The following IDI1 variants were observed in gnomAD, a reference collection of about 807,000 sequenced individuals.
IDI1 encodes the protein isopentenyl-diphosphate delta isomerase 1.
IDI1 carries 23 observed loss-of-function variants against 32.9 expected under a neutral mutation model. That is an observed-to-expected ratio of 0.70 (90% CI 0.50 to 0.99). The LOEUF (loss-of-function observed/expected upper bound fraction) is 0.99, where lower values mean the gene tolerates loss of function less well. IDI1 is among the 50% of genes least tolerant of loss of function. The probability of loss-of-function intolerance (pLI) is 0.00; values close to 1 mark genes in which losing one functional copy is unlikely to be tolerated. For synonymous variants in IDI1, 133 were observed against 128.2 expected (o/e 1.04, Z -0.25); for missense variants, 326 against 351.9 (o/e 0.93, Z 0.59).
Position 1,048,864 on chromosome 10 carries a change from C to T in IDI1, c.140G>A (p.Ser47Asn), listed in dbSNP as rs1255930686. 3.1e-6 allele frequency: 5 copies of T among 1,606,516 alleles called. No individual in the cohort carries two copies. Among genetic ancestry groups the T allele is most frequent in the Non-Finnish European group, 4.2e-6 (5 of 1,177,476 alleles). ...GAACTCCGCCGCCCGTCCACAGTAC[C>T]TGATCAGCCTCCGGCCACAGACAAC... ...PAVVCGRRLI[S>N]VLEQIRHFVM... The change falls in exon 1 of 5, where the codon AGT becomes AAT. Residue 47 changes from serine (S) to asparagine (N), a missense_variant and splice_region_variant. Around this residue, in one of 2 missense-constraint regions of IDI1, gnomAD observed 121 missense variants for 78.4 expected, o/e 1.54. Transcript: ENST00000381344.
chr10:1,044,044 C>T lies in IDI1; in HGVS notation c.268G>A (p.Ala90Thr), dbSNP rs889377532. 2 of 1,613,250 alleles carry T rather than the reference C, an allele frequency of 1.2e-6. No individual in the cohort carries two copies. The highest frequency in any genetic ancestry group is 1.7e-5 in the Admixed American group (1 of 59,960). ...AGGTGACAATTCTTCTTGGTCTCAG[C>T]TCCAATTTTATTGTCATTTTCATCA... Reference protein sequence around the residue: ...LIDENDNKIGAETKKNCHLNE... With the variant: ...LIDENDNKIGTETKKNCHLNE... The change falls in exon 2 of 5, where the codon GCT (alanine) becomes ACT (threonine). Residue 90 changes from alanine (A) to threonine (T), a missense_variant. Around this residue, in one of 2 missense-constraint regions of IDI1, gnomAD observed 205 missense variants for 273.5 expected, o/e 0.75. Coordinates refer to ENST00000381344, the MANE Select transcript of IDI1 (RefSeq NM_004508.4).
chr10:1,041,514 T>TAAAA lies in IDI1; in HGVS notation c.538-14_538-11dup. 2 of 1,222,714 alleles carry TAAAA rather than the reference T, an allele frequency of 1.6e-6. No homozygotes were observed. The highest frequency in any genetic ancestry group is 2.2e-6 in the Non-Finnish European group (2 of 901,960). 75.7% of individuals were successfully genotyped at this position (1,222,714 alleles called of 1,614,324 possible). A position where few individuals can be genotyped will look rare whatever the true frequency, so the allele number is the denominator to read the frequency against. On this transcript the variant is annotated splice_polypyrimidine_tract_variant and intron_variant, in intron 4 of 4. Coordinates refer to ENST00000381344, the MANE Select transcript of IDI1 (RefSeq NM_004508.4). The stretch of plus-strand genomic sequence containing the variant: ...TTTCTTCTGGAGGAACCTAAGACAT[T>TAAAA]AAAAAAAAAAAAGTAATTAAAACAT...
In IDI1 at chr10:1,040,439, C is replaced by G. The variant is rs751891978; in HGVS notation, c.*748G>C. 1 of 152,278 alleles carries G rather than the reference C, an allele frequency of 6.6e-6. No homozygotes were observed. The highest frequency in any genetic ancestry group is 1.5e-5 in the Non-Finnish European group (1 of 68,072). 9.4% of individuals were successfully genotyped at this position (152,278 alleles called of 1,614,324 possible). A position where few individuals can be genotyped will look rare whatever the true frequency, so the allele number is the denominator to read the frequency against. On this transcript the variant is annotated 3_prime_UTR_variant, in exon 5 of 5. Coordinates refer to ENST00000381344, the MANE Select transcript of IDI1 (RefSeq NM_004508.4). ...TCAACAGTGTCAAGTTTAAGCAACT[C>G]TTACCGAGTGGGACTCAATTCCCAT...
rs1048256396 is a variant in IDI1, at chr10:1,044,101, C to G, written c.211G>C (p.Val71Leu). Residue 71 changes from valine to leucine, a missense_variant, in exon 2 of 5, where the codon GTT (valine) becomes CTT (leucine). This residue lies in a region of IDI1 where 205 missense variants were observed against 273.5 expected (regional missense o/e 0.75). Transcript: ENST00000381344. ...ATACACATCTCTGCCAGGAGTTGAACCTGTTGCTTGTCGAGGTGGTTAGTG... is the reference window on the plus strand; with the variant it reads ...ATACACATCTCTGCCAGGAGTTGAAGCTGTTGCTTGTCGAGGTGGTTAGTG... ...INTNHLDKQQ[V>L]QLLAEMCILI... 3 of 1,613,788 alleles carry G rather than the reference C, an allele frequency of 1.9e-6. No individual in the cohort carries two copies. The highest frequency in any genetic ancestry group is 2.5e-6 in the Non-Finnish European group (3 of 1,179,714).
Position 1,041,441 on chromosome 10 carries a change from A to G in IDI1, c.601T>C (p.Trp201Arg). ...ATGTAATCAATTTCATGTTCACCCC[A>G]GATACCATCAGACTGAGCTTTGTAG... ...IHYKAQSDGI[W>R]GEHEIDYILL... is the part of the protein sequence containing the mutation. Residue 201 changes from tryptophan to arginine, a missense_variant, in exon 5 of 5, where the codon TGG (tryptophan) becomes CGG (arginine). This residue lies in a region of IDI1 where 205 missense variants were observed against 273.5 expected (regional missense o/e 0.75). Coordinates refer to ENST00000381344, the MANE Select transcript of IDI1 (RefSeq NM_004508.4). 1 of 1,610,654 alleles carries G rather than the reference A, an allele frequency of 6.2e-7. No homozygotes were observed. The highest frequency in any genetic ancestry group is 8.5e-7 in the Non-Finnish European group (1 of 1,177,136).
chr10:1,049,342 C>A (rs766201719), upstream of IDI1, among the ~76,000 whole-genome samples: 3 of 152,218 alleles, frequency 2.0e-5, no homozygotes, highest in Non-Finnish European at 4.4e-5. Context: ...AATCCGAAAG[C>A]GCCCGGGCGC....
rs1203800998 is a variant in IDI1, at chr10:1,044,066, A to G, written c.246T>C (p.Asp82=). 34 of 1,613,240 alleles carry G rather than the reference A, an allele frequency of 2.1e-5. No individual in the cohort carries two copies. The highest frequency in any genetic ancestry group is 2.7e-5 in the Non-Finnish European group (32 of 1,179,452). ...QLLAEMCILI[D]ENDNKIGAET... ...CAGCTCCAATTTTATTGTCATTTTC[A>G]TCAATAAGGATACACATCTCTGCCA... is the stretch of plus-strand genomic sequence containing the variant. The change falls in exon 2 of 5, where the codon GAT becomes GAC. Residue 82 remains aspartate (D), a synonymous_variant. Transcript: ENST00000381344.
In IDI1 at chr10:1,048,891, G is replaced by T. The variant is rs201789788; in HGVS notation, c.113C>A (p.Ala38Glu). 5 of 1,606,704 alleles carry T rather than the reference G, an allele frequency of 3.1e-6. No individual in the cohort carries two copies. The Admixed American group carries it at 5.0e-5, about 16-fold the overall frequency. ...GATCAGCCTCCGGCCACAGACAACCGCCGGTCCCGGATGGCGCCCGCTTTG... is the reference window on the plus strand; with the variant it reads ...GATCAGCCTCCGGCCACAGACAACCTCCGGTCCCGGATGGCGCCCGCTTTG... ...CAQSGRHPGP[A>E]VVCGRRLISV... The change falls in exon 1 of 5, where the codon GCG (alanine) becomes GAG (glutamate). Residue 38 changes from alanine to glutamate, a missense_variant. Ala to Glu is a moderately radical substitution (Grantham distance 107, BLOSUM62 -1). This residue lies in a region of IDI1 where 121 missense variants were observed against 78.4 expected (regional missense o/e 1.54). Transcript: ENST00000381344.
chr10:1,043,926 AG>A lies in IDI1; in HGVS notation c.313+72del, dbSNP rs2131576719. 2.3e-6 allele frequency: 3 copies of A among 1,281,968 alleles called. No individual in the cohort carries two copies. The East Asian group carries it at 6.9e-5, about 30-fold the overall frequency. The allele number at this position is 1,281,968 out of a possible 1,614,324, so 79.4% of individuals were successfully genotyped here. A position where few individuals can be genotyped will look rare whatever the true frequency, so the allele number is the denominator to read the frequency against. On this transcript the variant is annotated intron_variant, in intron 2 of 4. Transcript: ENST00000381344. ...TACTGAAGACTGCACTTCCTTGAAC[AG>A]AGTGCTCTTCTCAGCAAATCGGAAA...
In IDI1 at chr10:1,039,547, G is replaced by A. The variant is rs1832489769; in HGVS notation, c.*1640C>T. The A allele has an allele frequency of 6.6e-6, 1 of 152,240 alleles. No homozygotes were observed. 9.4% of individuals were successfully genotyped at this position (152,240 alleles called of 1,614,324 possible). A position where few individuals can be genotyped will look rare whatever the true frequency, so the allele number is the denominator to read the frequency against. ...AACACATCTGCCTTTGGGGTCAGAA[G>A]CAGCTATATCTAGGAGAGGGATACT... is the stretch of plus-strand genomic sequence containing the variant. On this transcript the variant is annotated 3_prime_UTR_variant, in exon 5 of 5. Coordinates refer to ENST00000381344, the MANE Select transcript of IDI1 (RefSeq NM_004508.4).
chr10:1,045,624 G>A (rs892418975), intron 1 of IDI1, among the ~76,000 whole-genome samples: 1 of 152,136 alleles, frequency 6.6e-6, no homozygotes, highest in Non-Finnish European at 1.5e-5. Flanking sequence ...GCACCACCAC[G>A]CCAGGCTAAT....
At chr10:1,042,275 C>G (rs1048731590) in intron 4 of IDI1, among the ~76,000 whole-genome samples, 1 of 152,074 alleles carries the variant, frequency 6.6e-6, no homozygotes, top group Non-Finnish European at 1.5e-5. Flanking sequence ...ATCAGAAAAT[C>G]TTCACCTTTT....
At chr10:1,047,643 C>T (rs1832834829) in intron 1 of IDI1, among the ~76,000 whole-genome samples, 1 of 152,196 alleles carries the variant, frequency 6.6e-6, no homozygotes, top group Non-Finnish European at 1.5e-5. Context: ...TCTGTCTACA[C>T]CACACAGCCC....
the IDI1 span, among the ~76,000 whole-genome samples, chr10:1,055,002 A>T: frequency 6.6e-6 from 1 of 152,244 alleles, no homozygotes; most frequent in Non-Finnish European, 1.5e-5. Flanking sequence ...CTCCCATCAC[A>T]GCTCTCAGAA....
At chr10:1,043,759 T>A (rs759793693) in intron 2 of IDI1, 2 of 669,814 alleles carry the variant, frequency 3.0e-6, no homozygotes, top group East Asian at 5.9e-5. Context: ...GGCTAGTCCC[T>A]CTTCTATGAA....
chr10:1,044,872 G>GT (rs1226138600), intron 1 of IDI1, among the ~76,000 whole-genome samples: 2 of 152,214 alleles, frequency 1.3e-5, no homozygotes, highest in Non-Finnish European at 2.9e-5. Flanking sequence ...TGCTTGGCAA[G>GT]TTTTTTCTGT....
chr10:1,044,965 AGT>A (rs1164721162), intron 1 of IDI1, among the ~76,000 whole-genome samples: 1 of 152,268 alleles, frequency 6.6e-6, no homozygotes, highest in African/African-American at 2.4e-5. Flanking sequence ...ATGTAAACTG[AGT>A]GTGGGTGCAT....
At chr10:1,055,204 A>C in the IDI1 span, among the ~76,000 whole-genome samples, 1 of 152,240 alleles carries the variant, frequency 6.6e-6, no homozygotes, top group Non-Finnish European at 1.5e-5. Context: ...TTTGACGAGT[A>C]ATTTCCACAT....
At chr10:1,054,186 G>T in the IDI1 span, among the ~76,000 whole-genome samples, 1 of 152,178 alleles carries the variant, frequency 6.6e-6, no homozygotes, top group Non-Finnish European at 1.5e-5. Flanking sequence ...AGATGGTGCT[G>T]ACAGACTTGC....
Sources: gnomAD v4.1 joint callset for allele counts (sites outside exome capture counted in the v4.1 genomes callset) on GRCh38, gnomAD v4.1.1 for gene constraint, gnomAD v4.1.1 regional missense constraint, MANE v1.5 for transcripts, NCBI Gene and HGNC (gene_info 2026-07-23, HGNC 2026-07-21) for gene names.